NTM: variants seen among roughly 807,000 people sequenced by gnomAD.
NTM encodes the protein IgLON family member 2.
Under a neutral mutation model 42.1 loss-of-function variants are expected in NTM, and 13 were observed. The observed-to-expected ratio is 0.31, with a 90% CI of 0.20 to 0.49. NTM has a LOEUF of 0.49. Ranked by LOEUF, NTM falls within the 20% of genes least tolerant of loss-of-function variation. The pLI is 0.99. For synonymous variants in NTM, 187 were observed against 179.2 expected (o/e 1.04, Z -0.35); for missense variants, 373 against 452.8 (o/e 0.82, Z 1.60).
At chr11:132,316,443 A>T (rs987360826) in intron 7 of NTM, among the ~76,000 whole-genome samples, 4 of 152,152 alleles carry the variant, frequency 2.6e-5, no homozygotes, top group Non-Finnish European at 5.9e-5. Context: ...CGTTTCTACC[A>T]TTGCCAGCTC....
chr11:131,829,889 G>C lies in NTM; in HGVS notation c.83-81675G>C, dbSNP rs532296289. Reference sequence around the variant, plus strand: ...ATAGCCACTCTGACCAGTGTGAGATGCTATCTCACTGTGGTTTTATTTGCA... The same window carrying C: ...ATAGCCACTCTGACCAGTGTGAGATCCTATCTCACTGTGGTTTTATTTGCA... On this transcript the variant is annotated intron_variant, in intron 1 of 8. Transcript: ENST00000683400. Among the ~76,000 whole-genome samples, 15 of 152,258 alleles carry C rather than the reference G, an allele frequency of 9.9e-5. No individual in the cohort carries two copies. In the South Asian group the frequency reaches 1.0e-3, roughly 11 times the overall value.
chr11:132,171,681 G>C (rs1462585000), intron 3 of NTM, among the ~76,000 whole-genome samples: 2 of 152,018 alleles, frequency 1.3e-5, no homozygotes, highest in African/African-American at 4.8e-5. Context: ...TTTTCTCTTT[G>C]ATTCTTCACT....
intron 1 of NTM, among the ~76,000 whole-genome samples, chr11:131,434,330 A>T (rs1948940099): frequency 6.6e-6 from 1 of 152,328 alleles, no homozygotes. Flanking sequence ...GTCAAATGGT[A>T]TTTCTAGTTC....
chr11:131,482,751 G>C (rs1262647869), intron 1 of NTM, among the ~76,000 whole-genome samples: 1 of 152,168 alleles, frequency 6.6e-6, no homozygotes, highest in African/African-American at 2.4e-5. Flanking sequence ...GCAAATTTGG[G>C]AGAGTGGATA....
At chr11:131,578,156 G>A (rs540728418) in intron 1 of NTM, among the ~76,000 whole-genome samples, 1 of 152,262 alleles carries the variant, frequency 6.6e-6, no homozygotes, top group East Asian at 1.9e-4. Context: ...ACATGAAATT[G>A]GGAGGAAAAG....
intron 4 of NTM, among the ~76,000 whole-genome samples, chr11:132,302,751 C>T (rs1416068844): frequency 6.6e-6 from 1 of 152,200 alleles, no homozygotes; most frequent in Non-Finnish European, 1.5e-5. Context: ...AACTTGATTA[C>T]AGTTGCAGGA....
chr11:131,773,998 C>T (rs935083697), intron 1 of NTM: 1 of 984,064 alleles, frequency 1.0e-6, no homozygotes, highest in Non-Finnish European at 1.2e-6. Flanking sequence ...CTGACATCTT[C>T]CGTCGTCTCA....
intron 2 of NTM, among the ~76,000 whole-genome samples, chr11:132,141,245 C>G (rs562493642): frequency 6.6e-6 from 1 of 152,032 alleles, no homozygotes; most frequent in East Asian, 1.9e-4. Context: ...CTGTCTCTCT[C>G]TCTCTCCCTC....
chr11:131,787,411 C>G (rs778470787), intron 1 of NTM, among the ~76,000 whole-genome samples: 15 of 132,496 alleles, frequency 1.1e-4, no homozygotes, highest in Non-Finnish European at 2.3e-4. Context: ...GACAGAGTCT[C>G]TCTCTGGCGC....
chr11:131,489,031 T>C (rs1410512462), intron 1 of NTM, among the ~76,000 whole-genome samples: 5 of 152,214 alleles, frequency 3.3e-5, no homozygotes, highest in Non-Finnish European at 1.5e-5. Flanking sequence ...TTTCTGTGAT[T>C]AGCATCAAGC....
intron 1 of NTM, among the ~76,000 whole-genome samples, chr11:131,722,708 G>T (rs2078512792): frequency 6.6e-6 from 1 of 152,208 alleles, no homozygotes; most frequent in South Asian, 2.1e-4. Flanking sequence ...AGGGCCACTA[G>T]AGAAGTGACA....
chr11:132,082,894 G>A lies in NTM; in HGVS notation c.168-63388G>A, dbSNP rs577409660. On this transcript the variant is annotated intron_variant, in intron 2 of 8. Coordinates refer to ENST00000683400, the MANE Select transcript of NTM (RefSeq NM_001352005.2). ...TGTACCAAAATGAAACAAAAGCGAG[G>A]GTAAGGACGGCTCAAAAATTCTGAG... Among the ~76,000 whole-genome samples, 10 of 152,282 alleles carry A rather than the reference G, an allele frequency of 6.6e-5. No individual in the cohort carries two copies. In the East Asian group the frequency reaches 1.9e-3, roughly 29 times the overall value.
At chr11:131,674,783 C>T (rs2071065586) in intron 1 of NTM, among the ~76,000 whole-genome samples, 1 of 152,166 alleles carries the variant, frequency 6.6e-6, no homozygotes, top group Non-Finnish European at 1.5e-5. Flanking sequence ...ACAGAAAAAC[C>T]TTCCCCGCGG....
chr11:132,104,988 TA>T (rs1658731387), intron 2 of NTM, among the ~76,000 whole-genome samples: 13 of 113,522 alleles, frequency 1.1e-4, no homozygotes, highest in African/African-American at 2.4e-4. Flanking sequence ...TATATATATA[TA>T]TATTTCATGG....
chr11:132,285,285 C>G (rs1181004323), intron 4 of NTM, among the ~76,000 whole-genome samples: 1 of 152,188 alleles, frequency 6.6e-6, no homozygotes, highest in Non-Finnish European at 1.5e-5. Context: ...TGCCCACCAG[C>G]CTTCCTCTCC....
intron 1 of NTM, among the ~76,000 whole-genome samples, chr11:131,680,432 T>C: frequency 6.8e-6 from 1 of 148,148 alleles, no homozygotes; most frequent in South Asian, 2.1e-4. Flanking sequence ...TCTGTGTCTG[T>C]GTGTGAGATC....
Position 132,291,493 on chromosome 11 carries a change from T to C in NTM, c.527-16196T>C, listed in dbSNP as rs558862067. The stretch of plus-strand genomic sequence containing the variant: ...TGCCTATGAGACTTCCATGTGACCA[T>C]GGAATTGCCTATGGAAGTGTAGGGT... On this transcript the variant is annotated intron_variant, in intron 4 of 8. Transcript: ENST00000683400. 5.2e-4 allele frequency among the ~76,000 whole-genome samples: 79 copies of C among 152,214 alleles called. No homozygotes were observed. The South Asian group carries it at 0.013, about 26-fold the overall frequency.
At chr11:131,881,495 CA>C (rs1434141749) in intron 1 of NTM, among the ~76,000 whole-genome samples, 3 of 151,344 alleles carry the variant, frequency 2.0e-5, no homozygotes, top group Non-Finnish European at 4.4e-5. Context: ...CACACACACA[CA>C]CACACACACA....
At chr11:132,138,183 T>C (rs948448001) in intron 2 of NTM, among the ~76,000 whole-genome samples, 1 of 151,800 alleles carries the variant, frequency 6.6e-6, no homozygotes, top group African/African-American at 2.4e-5. Context: ...GTTCTTGGAG[T>C]AGAGAAAAAA....
Sources: gnomAD v4.1 joint callset for allele counts (sites outside exome capture counted in the v4.1 genomes callset) on GRCh38, gnomAD v4.1.1 for gene constraint, MANE v1.5 for transcripts, NCBI Gene and HGNC (gene_info 2026-07-23, HGNC 2026-07-21) for gene names.